The following KRABD5 variants were observed in gnomAD, a reference collection of about 807,000 sequenced individuals.
KRABD5 encodes KRAB domain-containing protein 5.
chr16:31,760,821 A>G, the KRABD5 span: 1 of 152,198 alleles, frequency 6.6e-6, no homozygotes, highest in African/African-American at 2.4e-5. Flanking sequence ...TTCTCTGATG[A>G]TAAGAAATGA....
the KRABD5 span, among the ~76,000 whole-genome samples, chr16:31,733,256 G>C: frequency 1.3e-5 from 2 of 151,726 alleles, no homozygotes; most frequent in Admixed American, 6.6e-5. Flanking sequence ...GCTTTATTCT[G>C]TCTAGATGAG....
At chr16:31,722,661 C>A in the KRABD5 span, 8 of 1,613,258 alleles carry the variant, frequency 5.0e-6, no homozygotes, top group African/African-American at 1.1e-4. Context: ...CCATAGAATT[C>A]TCTCGGGAGG....
At chr16:31,720,111 A>G in the KRABD5 span, among the ~76,000 whole-genome samples, 1 of 152,350 alleles carries the variant, frequency 6.6e-6, no homozygotes, top group East Asian at 1.9e-4. Context: ...AGCACAGTGC[A>G]TACTGTGAGC....
the KRABD5 span, chr16:31,754,260 T>C: frequency 1.6e-6 from 1 of 636,432 alleles, no homozygotes; most frequent in Admixed American, 2.8e-5. Context: ...TGGATCTTTG[T>C]TAAAAGTTTG....
the KRABD5 span, among the ~76,000 whole-genome samples, chr16:31,727,696 C>G: frequency 6.6e-6 from 1 of 152,140 alleles, no homozygotes; most frequent in East Asian, 1.9e-4. Flanking sequence ...TTGGTCTGTT[C>G]AGTGTTTCTG....
At chr16:31,748,011 A>C in the KRABD5 span, among the ~76,000 whole-genome samples, 1 of 151,754 alleles carries the variant, frequency 6.6e-6, no homozygotes, top group Non-Finnish European at 1.5e-5. Context: ...CCCATTTGTC[A>C]ATTTTGTCTT....
At chr16:31,747,576 C>T in the KRABD5 span, among the ~76,000 whole-genome samples, 1 of 152,172 alleles carries the variant, frequency 6.6e-6, no homozygotes, top group African/African-American at 2.4e-5. Context: ...CCGACTTCCA[C>T]AATGGTTGAA....
chr16:31,720,571 T>C, the KRABD5 span, among the ~76,000 whole-genome samples: 2 of 152,218 alleles, frequency 1.3e-5, no homozygotes, highest in Non-Finnish European at 2.9e-5. Context: ...CCTCCACATA[T>C]TCTGTTTATT....
chr16:31,731,628 T>C, the KRABD5 span, among the ~76,000 whole-genome samples: 1 of 152,236 alleles, frequency 6.6e-6, no homozygotes, highest in Non-Finnish European at 1.5e-5. Flanking sequence ...AGGTTTCTCA[T>C]TGAGCAGAAC....
At chr16:31,732,199 C>T in the KRABD5 span, among the ~76,000 whole-genome samples, 2 of 152,196 alleles carry the variant, frequency 1.3e-5, no homozygotes, top group Non-Finnish European at 2.9e-5. Context: ...TGATCTTGGG[C>T]TCCAGCTGGG....
At chr16:31,726,759 A>G in the KRABD5 span, among the ~76,000 whole-genome samples, 3 of 152,174 alleles carry the variant, frequency 2.0e-5, no homozygotes, top group African/African-American at 7.2e-5. Context: ...CTCTGCCTCA[A>G]AAAATATATA....
chr16:31,754,313 A>G, the KRABD5 span: 2 of 615,816 alleles, frequency 3.2e-6, no homozygotes, highest in Admixed American at 5.8e-5. Flanking sequence ...TGATCAATAT[A>G]GAAAGGTCTT....
At chr16:31,729,823 G>C in the KRABD5 span, among the ~76,000 whole-genome samples, 7 of 147,564 alleles carry the variant, frequency 4.7e-5, no homozygotes, top group South Asian at 1.3e-3. Flanking sequence ...TTTTTCTCTA[G>C]TGGTTATAAG....
At chr16:31,714,699 C>G in the KRABD5 span, among the ~76,000 whole-genome samples, 4 of 152,300 alleles carry the variant, frequency 2.6e-5, no homozygotes, top group South Asian at 8.3e-4. Flanking sequence ...TGGGGAGCGC[C>G]CCCTTCAGGT....
At chr16:31,723,172 A>C in the KRABD5 span, 1 of 1,397,800 alleles carries the variant, frequency 7.2e-7, no homozygotes, top group Non-Finnish European at 9.8e-7. Flanking sequence ...GATCCTCTAT[A>C]ATGTTCCCTC....
chr16:31,754,263 A>T, the KRABD5 span: 2 of 634,942 alleles, frequency 3.1e-6, no homozygotes. Context: ...ATCTTTGTTA[A>T]AAGTTTGTTT....
At chr16:31,731,239 T>A in the KRABD5 span, among the ~76,000 whole-genome samples, 1 of 152,210 alleles carries the variant, frequency 6.6e-6, no homozygotes, top group African/African-American at 2.4e-5. Context: ...TGACTAAGAT[T>A]GCACCTGAGT....
chr16:31,750,331 C>T, the KRABD5 span, among the ~76,000 whole-genome samples: 2 of 152,062 alleles, frequency 1.3e-5, no homozygotes, highest in Non-Finnish European at 2.9e-5. Context: ...CTTGATTTGG[C>T]ACTCAGCTTG....
At chr16:31,729,677 T>A in the KRABD5 span, among the ~76,000 whole-genome samples, 1 of 152,208 alleles carries the variant, frequency 6.6e-6, no homozygotes, top group African/African-American at 2.4e-5. Flanking sequence ...TAGGTAACTA[T>A]TATAAGTTTG....
Sources: allele counts gnomAD v4.1 joint callset (sites outside exome capture counted in the v4.1 genomes callset), GRCh38; gene constraint gnomAD v4.1.1; transcripts MANE v1.5; gene names NCBI Gene and HGNC (gene_info 2026-07-23, HGNC 2026-07-21).